The following PTPN4 variants were observed in gnomAD, a reference collection of about 807,000 sequenced individuals.
PTPN4 encodes the protein tyrosine-protein phosphatase non-receptor type 4.
Under a neutral mutation model 135.5 loss-of-function variants are expected in PTPN4, and 49 were observed. The ratio of observed to expected loss-of-function variants is 0.36; its 90% CI spans 0.29 to 0.46. PTPN4 has a LOEUF of 0.46. PTPN4 is among the 20% of genes least tolerant of loss of function. The probability of loss-of-function intolerance (pLI) is 1.00; values close to 1 mark genes in which losing one functional copy is unlikely to be tolerated. For missense variants in PTPN4, 860 were observed against 1,101.0 expected, an observed-to-expected ratio of 0.78 and a Z score of 3.10; for synonymous variants, 333 against 369.9, an observed-to-expected ratio of 0.90 and a Z score of 1.14.
At position 119,843,218 on chromosome 2, in the gene PTPN4, C is replaced by CTTTTTT. The variant is rs779045976; in HGVS notation, c.139-19303_139-19298dup. On this transcript the variant is annotated intron_variant, in intron 2 of 26. Coordinates refer to ENST00000263708, the MANE Select transcript of PTPN4 (RefSeq NM_002830.4). ...CTGCCAAGAATTGGTATGCATTTTT[C>CTTTTTT]TTTTTTTTTTTTTTTTTTTTGCACC... 1.6e-4 allele frequency among the ~76,000 whole-genome samples: 17 copies of CTTTTTT among 107,290 alleles called. 1 individual carries two copies. Among genetic ancestry groups the CTTTTTT allele is most frequent in the Middle Eastern group, 5.2e-3 (1 of 192 alleles). 70.4% of individuals were successfully genotyped at this position (107,290 alleles called of 152,430 possible). A position where few individuals can be genotyped will look rare whatever the true frequency, so the allele number is the denominator to read the frequency against.
At chr2:119,762,023 C>T (rs1459484012) in intron 1 of PTPN4, among the ~76,000 whole-genome samples, 1 of 152,006 alleles carries the variant, frequency 6.6e-6, no homozygotes, top group Non-Finnish European at 1.5e-5. Context: ...TTTAAAATGT[C>T]CCTAGTAACA....
intron 10 of PTPN4, among the ~76,000 whole-genome samples, chr2:119,913,725 T>C (rs549011184): frequency 6.6e-6 from 1 of 152,308 alleles, no homozygotes; most frequent in African/African-American, 2.4e-5. Flanking sequence ...GTATGTCTAA[T>C]GATTTATTAA....
intron 2 of PTPN4, among the ~76,000 whole-genome samples, chr2:119,839,081 A>G (rs1189611928): frequency 1.3e-5 from 2 of 152,150 alleles, no homozygotes; most frequent in African/African-American, 4.8e-5. Context: ...CCCCTATTTC[A>G]GGAGGGTTTT....
At position 119,977,172 on chromosome 2, in the gene PTPN4, TGAA is replaced by T. The variant is rs1272983176; in HGVS notation, c.*106_*108del. ...GAAATGGCATTTTACAAAAAAAAAA[TGAA>T]GAACTCAAAAAAACTTTGAAAACTT... On this transcript the variant is annotated 3_prime_UTR_variant, in exon 27 of 27. Coordinates refer to ENST00000263708, the MANE Select transcript of PTPN4 (RefSeq NM_002830.4). The T allele has an allele frequency of 7.8e-7, 1 of 1,286,418 alleles. No individual in the cohort carries two copies. Among genetic ancestry groups the T allele is most frequent in the Non-Finnish European group, 1.0e-6 (1 of 978,956 alleles). 79.7% of individuals were successfully genotyped at this position (1,286,418 alleles called of 1,614,324 possible). A position where few individuals can be genotyped will look rare whatever the true frequency, so the allele number is the denominator to read the frequency against.
chr2:119,872,667 A>G (rs984998895), intron 3 of PTPN4, among the ~76,000 whole-genome samples: 1 of 152,070 alleles, frequency 6.6e-6, no homozygotes, highest in Non-Finnish European at 1.5e-5. Flanking sequence ...TTTTATCTGT[A>G]GCAGTGATGA....
Position 119,940,954 on chromosome 2 carries a change from G to A in PTPN4, c.1356-4127G>A, listed in dbSNP as rs149937206. ...ATCTTTTCCAGCTCCCTTCCTTAAA[G>A]CCAGTAAATGCTGGCCTTCTTTGAA... On this transcript the variant is annotated intron_variant, in intron 15 of 26. Coordinates refer to ENST00000263708, the MANE Select transcript of PTPN4 (RefSeq NM_002830.4). Among the ~76,000 whole-genome samples, 6 of 151,856 alleles carry A rather than the reference G, an allele frequency of 4.0e-5. No individual in the cohort carries two copies. In the East Asian group the frequency reaches 1.2e-3, roughly 29 times the overall value.
chr2:119,884,122 TCTC>T, intron 8 of PTPN4, among the ~76,000 whole-genome samples: 1 of 152,310 alleles, frequency 6.6e-6, no homozygotes, highest in East Asian at 1.9e-4. Context: ...ATGGTCTTGA[TCTC>T]CTGACCTCGT....
At chr2:119,951,350 T>C (rs1399376261) in intron 18 of PTPN4, among the ~76,000 whole-genome samples, 2 of 152,230 alleles carry the variant, frequency 1.3e-5, no homozygotes, top group African/African-American at 4.8e-5. Flanking sequence ...TTATTCACTT[T>C]GCTGCACTTT....
chr2:119,832,341 C>T (rs564658340), intron 2 of PTPN4, among the ~76,000 whole-genome samples: 7 of 152,114 alleles, frequency 4.6e-5, no homozygotes, highest in South Asian at 2.1e-4. Flanking sequence ...TTCCATAATA[C>T]GTTATCTCCT....
intron 12 of PTPN4, among the ~76,000 whole-genome samples, chr2:119,920,800 A>G (rs776450202): frequency 1.6e-4 from 25 of 152,212 alleles, no homozygotes; most frequent in Non-Finnish European, 3.1e-4. Context: ...TCTTTGGGGA[A>G]TAACTAAATC....
intron 2 of PTPN4, among the ~76,000 whole-genome samples, chr2:119,828,304 G>T (rs535129023): frequency 6.6e-6 from 1 of 152,194 alleles, no homozygotes; most frequent in African/African-American, 2.4e-5. Context: ...AGTGAGAACC[G>T]CCATGTGGGC....
At chr2:119,875,583 A>G (rs1483985666) in intron 3 of PTPN4, among the ~76,000 whole-genome samples, 2 of 152,186 alleles carry the variant, frequency 1.3e-5, no homozygotes, top group African/African-American at 2.4e-5. Flanking sequence ...TTGAGGAAAG[A>G]AGTTTATTAA....
intron 1 of PTPN4, among the ~76,000 whole-genome samples, chr2:119,778,701 T>G (rs901030310): frequency 6.6e-6 from 1 of 152,172 alleles, no homozygotes; most frequent in Non-Finnish European, 1.5e-5. Context: ...ATGCAAGAAA[T>G]GGCACAAATT....
At chr2:119,903,611 C>T (rs1386976703) in intron 10 of PTPN4, among the ~76,000 whole-genome samples, 1 of 151,932 alleles carries the variant, frequency 6.6e-6, no homozygotes, top group Non-Finnish European at 1.5e-5. Flanking sequence ...AATGGACCTA[C>T]CTTGCCTGCC....
At chr2:119,946,644 G>C (rs1679136833) in intron 18 of PTPN4, 70 bp downstream of exon 18, 1 of 1,181,660 alleles carries the variant, frequency 8.5e-7, no homozygotes, top group African/African-American at 1.5e-5. Context: ...ATTCTTACTA[G>C]TTTAAATAAA....
chr2:119,786,760 G>T (rs1242529498), intron 1 of PTPN4, among the ~76,000 whole-genome samples: 2 of 152,164 alleles, frequency 1.3e-5, no homozygotes, highest in Non-Finnish European at 2.9e-5. Flanking sequence ...TGGTGGAAGG[G>T]ACATAGACTC....
In PTPN4 at chr2:119,874,083, C is replaced by T. The variant is rs542262998; in HGVS notation, c.247-3240C>T. On this transcript the variant is annotated intron_variant, in intron 3 of 26. Coordinates refer to ENST00000263708, the MANE Select transcript of PTPN4 (RefSeq NM_002830.4). ...GTCCATCAAGTGATGACTAGATAAA[C>T]CAAATATGGTATAGCTATACAATGA... Among the ~76,000 whole-genome samples, 594 of 152,010 alleles carry T rather than the reference C, an allele frequency of 3.9e-3. 1 individual carries two copies. The highest frequency in any genetic ancestry group is 6.9e-3 in the Non-Finnish European group (467 of 67,934).
chr2:119,852,479 G>A (rs1328075300), intron 2 of PTPN4, among the ~76,000 whole-genome samples: 2 of 152,204 alleles, frequency 1.3e-5, no homozygotes, highest in African/African-American at 4.8e-5. Flanking sequence ...TTTTGGCTAC[G>A]CCAAGCACTT....
At chr2:119,905,816 A>C (rs1238232389) in intron 10 of PTPN4, among the ~76,000 whole-genome samples, 6 of 152,314 alleles carry the variant, frequency 3.9e-5, no homozygotes, top group Admixed American at 6.5e-5. Flanking sequence ...GGAACTTTGG[A>C]AACTGTACAA....
Sources: allele counts gnomAD v4.1 joint callset (sites outside exome capture counted in the v4.1 genomes callset), GRCh38; gene constraint gnomAD v4.1.1; transcripts MANE v1.5; gene names NCBI Gene and HGNC (gene_info 2026-07-23, HGNC 2026-07-21).